The following SHISAL1 variants were observed in gnomAD, a reference collection of about 807,000 sequenced individuals.
SHISAL1 encodes protein shisa-like-1.
SHISAL1 carries 9 observed loss-of-function variants against 22.6 expected under a neutral mutation model. The ratio of observed to expected loss-of-function variants is 0.40; its 90% CI spans 0.24 to 0.70. The LOEUF is 0.70. SHISAL1 is among the 30% of genes least tolerant of loss of function. The pLI is 0.39. For missense variants in SHISAL1, 246 were observed against 270.6 expected (o/e 0.91, Z 0.64); for synonymous variants, 119 against 115.4 (o/e 1.03, Z -0.20).
the SHISAL1 span, among the ~76,000 whole-genome samples, chr22:44,329,897 A>G: frequency 9.2e-5 from 14 of 152,180 alleles, no homozygotes; most frequent in African/African-American, 2.7e-4. Context: ...AAAAGTCCCA[A>G]TGGTTACCCC....
intron 4 of SHISAL1, among the ~76,000 whole-genome samples, chr22:44,264,591 G>A (rs2055148767): frequency 6.6e-6 from 1 of 152,164 alleles, no homozygotes; most frequent in Non-Finnish European, 1.5e-5. Flanking sequence ...CAGTCCATGG[G>A]GCACCTCGGG....
At chr22:44,330,520 C>T in the SHISAL1 span, among the ~76,000 whole-genome samples, 17 of 152,164 alleles carry the variant, frequency 1.1e-4, no homozygotes, top group African/African-American at 3.9e-4. Context: ...TGTCGGATGG[C>T]CCCAGGGGTG....
intron 4 of SHISAL1, among the ~76,000 whole-genome samples, chr22:44,258,261 C>T (rs759892533): frequency 2.5e-4 from 38 of 152,164 alleles, no homozygotes; most frequent in Admixed American, 8.5e-4. Context: ...GAGCCAAGAT[C>T]GCACCACTGC....
At chr22:44,277,699 C>CA (rs1481901467) in intron 4 of SHISAL1, among the ~76,000 whole-genome samples, 3 of 152,178 alleles carry the variant, frequency 2.0e-5, no homozygotes, top group African/African-American at 7.2e-5. Context: ...AAAAGAGAAC[C>CA]ATTTCAGGCT....
chr22:44,330,914 G>A, the SHISAL1 span, among the ~76,000 whole-genome samples: 1 of 152,012 alleles, frequency 6.6e-6, no homozygotes, highest in African/African-American at 2.4e-5. Flanking sequence ...ACGCACTTGG[G>A]AGGGGTCCTT....
intron 4 of SHISAL1, among the ~76,000 whole-genome samples, chr22:44,267,867 G>C (rs540874144): frequency 6.6e-6 from 1 of 152,354 alleles, no homozygotes; most frequent in Admixed American, 6.5e-5. Context: ...CAGCTGCCCA[G>C]AGAGGCAGGG....
chr22:44,288,571 G>A (rs1002136813), intron 3 of SHISAL1, among the ~76,000 whole-genome samples: 2 of 152,250 alleles, frequency 1.3e-5, no homozygotes. Context: ...AATGCGGGAG[G>A]TGGAGCTTGC....
upstream of SHISAL1, among the ~76,000 whole-genome samples, chr22:44,317,938 C>T (rs934965666): frequency 2.0e-5 from 3 of 152,236 alleles, no homozygotes; most frequent in Non-Finnish European, 4.4e-5. Context: ...CTGCTGAGCA[C>T]GGGGCCCTCT....
At chr22:44,253,663 A>C (rs1034472358) in intron 4 of SHISAL1, among the ~76,000 whole-genome samples, 1 of 148,164 alleles carries the variant, frequency 6.7e-6, no homozygotes, top group Non-Finnish European at 1.5e-5. Context: ...TCTGGTCTTG[A>C]ACTCCTGACC....
intron 3 of SHISAL1, among the ~76,000 whole-genome samples, chr22:44,292,210 C>A (rs980301762): frequency 3.9e-5 from 6 of 152,096 alleles, no homozygotes; most frequent in Non-Finnish European, 7.4e-5. Flanking sequence ...GGGGGAAGGG[C>A]GATGGGGGAG....
chr22:44,294,352 C>A (rs1246715438), intron 3 of SHISAL1, among the ~76,000 whole-genome samples: 1 of 152,158 alleles, frequency 6.6e-6, no homozygotes, highest in Non-Finnish European at 1.5e-5. Flanking sequence ...GCGGCTTCCC[C>A]CTGAGTGAAT....
At chr22:44,276,022 A>G (rs1482985987) in intron 4 of SHISAL1, among the ~76,000 whole-genome samples, 1 of 152,246 alleles carries the variant, frequency 6.6e-6, no homozygotes, top group Non-Finnish European at 1.5e-5. Flanking sequence ...AAGAAACACC[A>G]ATCCCAACTC....
chr22:44,331,174 G>A, the SHISAL1 span, among the ~76,000 whole-genome samples: 4 of 151,996 alleles, frequency 2.6e-5, no homozygotes, highest in African/African-American at 9.7e-5. This position sits in a 1 kb window ranked among gnomAD's most constrained non-coding sequence, Gnocchi z 5.2. Flanking sequence ...CCCGACCTTG[G>A]TGAGCGCCGG....
Position 44,245,645 on chromosome 22 carries a change from G to C in SHISAL1, c.*4040C>G, listed in dbSNP as rs2054993542. The C allele has an allele frequency of 6.5e-6, 1 of 152,704 alleles. No homozygotes were observed. Among genetic ancestry groups the C allele is most frequent in the Non-Finnish European group, 1.5e-5 (1 of 68,464 alleles). The allele number at this position is 152,704 out of a possible 1,614,324, so 9.5% of individuals were successfully genotyped here. Reference sequence around the variant, plus strand: ...CTGGGGATGGCAGCTGGAATCCTGAGCCAACCTGGACAGCGGCCTGTGGGG... The same window carrying C: ...CTGGGGATGGCAGCTGGAATCCTGACCCAACCTGGACAGCGGCCTGTGGGG... On this transcript the variant is annotated 3_prime_UTR_variant, in exon 5 of 5. Coordinates refer to ENST00000381176, the MANE Select transcript of SHISAL1 (RefSeq NM_001099294.2).
the SHISAL1 span, among the ~76,000 whole-genome samples, chr22:44,328,805 C>A: frequency 6.6e-6 from 1 of 152,042 alleles, no homozygotes; most frequent in African/African-American, 2.4e-5. Context: ...TATTCAAACC[C>A]TCACTCAAGC....
chr22:44,266,528 A>ATGGG (rs370971639), intron 4 of SHISAL1, among the ~76,000 whole-genome samples: 6 of 108,418 alleles, frequency 5.5e-5, no homozygotes, highest in South Asian at 3.5e-4. Context: ...GCTTTGGGGT[A>ATGGG]TGTGTGTGTG....
Position 44,247,281 on chromosome 22 carries a change from T to C in SHISAL1, c.*2404A>G, listed in dbSNP as rs9626137. 6,971 of 152,250 alleles carry C rather than the reference T, an allele frequency of 0.046. 238 individuals carry two copies. Among genetic ancestry groups the C allele is most frequent in the Middle Eastern group, 0.071 (21 of 294 alleles). The allele number at this position is 152,250 out of a possible 1,614,324, so 9.4% of individuals were successfully genotyped here. On this transcript the variant is annotated 3_prime_UTR_variant, in exon 5 of 5. Coordinates refer to ENST00000381176, the MANE Select transcript of SHISAL1 (RefSeq NM_001099294.2). ...GGAAACTGAGGTAACAGACCTTGCC[T>C]GAGGTCACGCTGTTCTCAGTGGCAG...
chr22:44,329,264 G>A, the SHISAL1 span, among the ~76,000 whole-genome samples: 4 of 152,172 alleles, frequency 2.6e-5, no homozygotes, highest in African/African-American at 4.8e-5. Context: ...ATGGATGACC[G>A]GTAACTGGGA....
At chr22:44,290,924 C>A (rs55670438) in intron 3 of SHISAL1, among the ~76,000 whole-genome samples, 5 of 152,134 alleles carry the variant, frequency 3.3e-5, no homozygotes, top group African/African-American at 1.2e-4. Flanking sequence ...AGGGCAGTGG[C>A]GGTGTGTGGG....
Sources: allele counts gnomAD v4.1 joint callset (sites outside exome capture counted in the v4.1 genomes callset), GRCh38; gene constraint gnomAD v4.1.1; non-coding constraint Gnocchi (gnomAD v3.1); transcripts MANE v1.5; gene names NCBI Gene and HGNC (gene_info 2026-07-23, HGNC 2026-07-21).